The following NHS variants were observed in gnomAD, a reference collection of about 807,000 sequenced individuals.
NHS encodes NHS actin remodeling regulator.
In NHS, 5 loss-of-function variants were observed where a neutral mutation model predicts 72.5. The observed-to-expected ratio is 0.07, with a 90% CI of 0.04 to 0.14. The LOEUF (loss-of-function observed/expected upper bound fraction) is 0.14. NHS is among the 10% of genes least tolerant of loss of function. The pLI is 1.00. For synonymous variants in NHS, 464 were observed against 547.7 expected, an observed-to-expected ratio of 0.85 and a Z score of 2.13; for missense variants, 1,072 against 1,355.7, an observed-to-expected ratio of 0.79 and a Z score of 3.29.
intron 1 of NHS, among the ~76,000 whole-genome samples, chrX:17,480,307 A>G (rs2064941106): frequency 8.9e-6 from 1 of 112,180 alleles, no homozygotes; most frequent in Admixed American, 9.5e-5. Context: ...ACCAAAAAAA[A>G]GAGCCTGTAT....
At chrX:17,414,511 C>G (rs912785376) in intron 1 of NHS, among the ~76,000 whole-genome samples, 4 of 112,096 alleles carry the variant, frequency 3.6e-5, no homozygotes, top group African/African-American at 3.2e-5. Context: ...CTCCCTCCCC[C>G]GTCTCCGCGC....
At chrX:17,488,242 C>G (rs1393056935) in intron 1 of NHS, among the ~76,000 whole-genome samples, 1 of 111,779 alleles carries the variant, frequency 8.9e-6, no homozygotes, top group East Asian at 2.8e-4. Flanking sequence ...TACCTCATTG[C>G]CTGAATTCTG....
chrX:17,407,568 T>TG (rs2064535359), intron 1 of NHS, among the ~76,000 whole-genome samples: 1 of 111,505 alleles, frequency 9.0e-6, no homozygotes, highest in African/African-American at 3.3e-5. Flanking sequence ...TGATTTTTTT[T>TG]GGGGGAAGAT....
At chrX:17,691,661 G>T (rs774991899) in intron 2 of NHS, among the ~76,000 whole-genome samples, 1 of 111,876 alleles carries the variant, frequency 8.9e-6, no homozygotes, top group South Asian at 3.8e-4. Context: ...CATTGGGCAG[G>T]CCTGTCAGAA....
At position 17,375,606 on chromosome X, in the gene NHS, C is replaced by G. The variant is rs2064341001; in HGVS notation, c.-152C>G. ...TAGGGAGAGGGCGGGGAAGAGGAGG[C>G]AAGGTGAGCAGAGAAGCCCCCTGCG... On this transcript the variant is annotated 5_prime_UTR_variant, in exon 1 of 9. Coordinates refer to ENST00000676302, the MANE Select transcript of NHS (RefSeq NM_001291867.2). 7.7e-6 allele frequency: 4 copies of G among 522,351 alleles called. No individual in the cohort carries two copies. The South Asian group carries it at 1.2e-4, about 15-fold the overall frequency. The allele number at this position is 522,351 out of a possible 1,213,427, so 43.0% of individuals were successfully genotyped here.
chrX:17,692,211 T>C (rs1601838689), intron 2 of NHS, 124 bp from the exon 3 acceptor site: 1 of 839,235 alleles, frequency 1.2e-6, no homozygotes. Context: ...GTATTCAAAT[T>C]AGCTAAAGTA....
At chrX:17,415,212 T>C (rs2064586820) in intron 1 of NHS, among the ~76,000 whole-genome samples, 1 of 111,637 alleles carries the variant, frequency 9.0e-6, no homozygotes, top group Non-Finnish European at 1.9e-5. Flanking sequence ...CGCTTGTGGC[T>C]CCTCTAGATA....
At chrX:17,665,102 T>A (rs1456350031) in intron 1 of NHS, among the ~76,000 whole-genome samples, 1 of 109,491 alleles carries the variant, frequency 9.1e-6, no homozygotes, top group Non-Finnish European at 1.9e-5. Flanking sequence ...TATATTGACC[T>A]TTTTGTATCC....
intron 1 of NHS, among the ~76,000 whole-genome samples, chrX:17,669,234 A>G (rs2066030219): frequency 8.9e-6 from 1 of 112,360 alleles, no homozygotes; most frequent in African/African-American, 3.2e-5. Flanking sequence ...TATGTCTTTC[A>G]GTGCCTCAGA....
chrX:17,434,969 C>T (rs2064714648), intron 1 of NHS, among the ~76,000 whole-genome samples: 1 of 111,869 alleles, frequency 8.9e-6, no homozygotes, highest in Admixed American at 9.4e-5. Context: ...GCTGGGAGAG[C>T]CAGAGAAGCT....
intron 1 of NHS, among the ~76,000 whole-genome samples, chrX:17,597,465 G>T (rs1356253731): frequency 9.5e-6 from 1 of 105,775 alleles, no homozygotes; most frequent in Admixed American, 1.0e-4. Context: ...ACAAAAAACT[G>T]GCAGGGGTAG....
intron 1 of NHS, among the ~76,000 whole-genome samples, chrX:17,398,978 T>A (rs2064489400): frequency 8.9e-6 from 1 of 112,264 alleles, no homozygotes; most frequent in Non-Finnish European, 1.9e-5. Flanking sequence ...TCTTCTTAAT[T>A]TGGACATTGG....
At chrX:17,598,012 A>T (rs2065633040) in intron 1 of NHS, among the ~76,000 whole-genome samples, 2 of 111,271 alleles carry the variant, frequency 1.8e-5, no homozygotes, top group South Asian at 7.7e-4. Context: ...GCCCTGTCTT[A>T]GTCAGCTCTT....
chrX:17,593,322 A>G (rs1420760480), intron 1 of NHS, among the ~76,000 whole-genome samples: 1 of 111,341 alleles, frequency 9.0e-6, no homozygotes, highest in Non-Finnish European at 1.9e-5. Context: ...CTTGATAAGC[A>G]TTCCTGCTTT....
intron 1 of NHS, among the ~76,000 whole-genome samples, chrX:17,381,638 A>G (rs1458159688): frequency 1.8e-5 from 2 of 112,532 alleles, no homozygotes; most frequent in Admixed American, 1.9e-4. Flanking sequence ...GTTCATTCTC[A>G]TTGCTGAATA....
chrX:17,472,357 G>A (rs1346773527), intron 1 of NHS, among the ~76,000 whole-genome samples: 1 of 110,932 alleles, frequency 9.0e-6, no homozygotes, highest in Non-Finnish European at 1.9e-5. Context: ...GAGAGAGACA[G>A]AGACAAGAGA....
At chrX:17,724,453 T>C (rs202026944) in intron 6 of NHS, 23 bp downstream of exon 6, 215 of 1,204,295 alleles carry the variant, frequency 1.8e-4, no homozygotes, top group Non-Finnish European at 3.9e-5. Context: ...AAAATGTTAA[T>C]GGTTAACATT....
intron 1 of NHS, among the ~76,000 whole-genome samples, chrX:17,574,838 C>T (rs1371366686): frequency 9.0e-6 from 1 of 111,584 alleles, no homozygotes; most frequent in Non-Finnish European, 1.9e-5. Flanking sequence ...TTGGAACCAA[C>T]CTCCCTGTTC....
At chrX:17,608,669 G>T (rs752065885) in intron 1 of NHS, among the ~76,000 whole-genome samples, 170 of 109,142 alleles carry the variant, frequency 1.6e-3, no homozygotes, top group African/African-American at 5.4e-3. Flanking sequence ...ACAATGAAAA[G>T]ACTTTTTTTT....
Sources: gnomAD v4.1 joint callset for allele counts (sites outside exome capture counted in the v4.1 genomes callset) on GRCh38, gnomAD v4.1.1 for gene constraint, MANE v1.5 for transcripts, NCBI Gene and HGNC (gene_info 2026-07-23, HGNC 2026-07-21) for gene names.